The following DLGAP2 variants were observed in gnomAD, a reference collection of about 807,000 sequenced individuals.
The protein encoded by DLGAP2 is disks large-associated protein 2.
Under a neutral mutation model 100.3 loss-of-function variants are expected in DLGAP2, and 26 were observed. The observed-to-expected ratio is 0.26, with a 90% CI of 0.19 to 0.36. The LOEUF is 0.36. Ranked by LOEUF, DLGAP2 falls within the 10% of genes least tolerant of loss-of-function variation. The pLI is 1.00. For missense variants in DLGAP2, 1,858 were observed against 1,453.2 expected, an observed-to-expected ratio of 1.28 and a Z score of -4.53; for synonymous variants, 886 against 630.1, an observed-to-expected ratio of 1.41 and a Z score of -6.08.
chr8:1,548,477 A>C (rs1436378231), intron 4 of DLGAP2, 149 bp from the exon 5 acceptor site: 2 of 574,710 alleles, frequency 3.5e-6, no homozygotes, highest in Admixed American at 4.0e-5. Flanking sequence ...AAAAAAAAAA[A>C]AAAAAAACCC....
chr8:1,240,330 C>G (rs1225683612), intron 2 of DLGAP2, among the ~76,000 whole-genome samples: 3 of 147,266 alleles, frequency 2.0e-5, no homozygotes, highest in African/African-American at 7.5e-5. Flanking sequence ...GTCTAGTTCT[C>G]TCTCACACAT....
intron 2 of DLGAP2, among the ~76,000 whole-genome samples, chr8:1,149,355 G>A (rs1036778297): frequency 6.6e-6 from 1 of 151,988 alleles, no homozygotes; most frequent in African/African-American, 2.4e-5. Flanking sequence ...CACTGTGTTA[G>A]CCAGGATGGT....
chr8:1,249,389 C>T (rs547270065), intron 2 of DLGAP2, among the ~76,000 whole-genome samples: 1 of 152,146 alleles, frequency 6.6e-6, no homozygotes, highest in African/African-American at 2.4e-5. Context: ...TTCCTTATGT[C>T]ATCTCTTCAG....
chr8:1,287,066 TA>T (rs1448524696), intron 3 of DLGAP2, among the ~76,000 whole-genome samples: 2 of 152,172 alleles, frequency 1.3e-5, no homozygotes, highest in Admixed American at 6.5e-5. Context: ...ATGGTTCTAT[TA>T]GGGGAACTGG....
intron 6 of DLGAP2, among the ~76,000 whole-genome samples, chr8:1,616,267 A>T (rs1304027854): frequency 6.6e-6 from 1 of 152,216 alleles, no homozygotes; most frequent in East Asian, 1.9e-4. Flanking sequence ...TAGTAAGAAG[A>T]AGTGAAGGGA....
At chr8:768,388 C>T (rs1325755114) in intron 1 of DLGAP2, among the ~76,000 whole-genome samples, 2 of 148,736 alleles carry the variant, frequency 1.3e-5, no homozygotes, top group Admixed American at 6.7e-5. Context: ...CTTGTATGGA[C>T]TTCAGCATGA....
At position 1,491,417 on chromosome 8, in the gene DLGAP2, C is replaced by T. The variant is rs183551723; in HGVS notation, c.107-9949C>T. Among the ~76,000 whole-genome samples, 166 of 152,374 alleles carry T rather than the reference C, an allele frequency of 1.1e-3. 1 individual carries two copies. Among genetic ancestry groups the T allele is most frequent in the African/African-American group, 3.9e-3 (163 of 41,588 alleles). ...TGACCTCGGAGGCTTCCGGCTGCTCCCCCTGATCTCAGAGGCTGTTTCAGA... is the reference window on the plus strand; with the variant it reads ...TGACCTCGGAGGCTTCCGGCTGCTCTCCCTGATCTCAGAGGCTGTTTCAGA... On this transcript the variant is annotated intron_variant, in intron 3 of 14. Coordinates refer to ENST00000637795, the MANE Select transcript of DLGAP2 (RefSeq NM_001346810.2).
chr8:1,585,948 A>G (rs541100533), intron 6 of DLGAP2, among the ~76,000 whole-genome samples: 15 of 152,224 alleles, frequency 9.9e-5, no homozygotes, highest in Non-Finnish European at 2.1e-4. Context: ...ATAAAAATAT[A>G]CACATATGGG....
chr8:1,275,556 C>G (rs570576308), intron 3 of DLGAP2, among the ~76,000 whole-genome samples: 2 of 151,094 alleles, frequency 1.3e-5, no homozygotes, highest in Non-Finnish European at 1.5e-5. Context: ...AACTGAATTT[C>G]TTTTCATTCC....
chr8:1,380,031 G>C (rs1006443319), intron 3 of DLGAP2: 1 of 152,306 alleles, frequency 6.6e-6, no homozygotes, highest in African/African-American at 2.4e-5. Flanking sequence ...TCTGCACCCT[G>C]GTCAGGAGAT....
Position 1,632,902 on chromosome 8 carries a change from A to G in DLGAP2, c.1666A>G (p.Met556Val). 6.2e-7 allele frequency: 1 copy of G among 1,613,964 alleles called. No individual in the cohort carries two copies. Among genetic ancestry groups the G allele is most frequent in the Non-Finnish European group, 8.5e-7 (1 of 1,179,890 alleles). Reference protein sequence around the residue: ...SVFSEVESQAMDALDLPGCFR... With the variant: ...SVFSEVESQAVDALDLPGCFR... ...CTTCAGTGAAGTTGAATCTCAGGCC[A>G]TGGATGCCCTCGACCTCCCGGGATG... The change falls in exon 8 of 15, where the codon ATG becomes GTG. Residue 556 changes from methionine (M) to valine (V), a missense_variant. Transcript: ENST00000637795.
chr8:1,071,145 G>C (rs1463426623), intron 2 of DLGAP2, among the ~76,000 whole-genome samples: 8 of 152,318 alleles, frequency 5.3e-5, no homozygotes, highest in Admixed American at 5.2e-4. Flanking sequence ...CTGCAGCCCA[G>C]CTGCCGAGCG....
chr8:899,898 T>C (rs1176948002), intron 1 of DLGAP2, among the ~76,000 whole-genome samples: 1 of 152,202 alleles, frequency 6.6e-6, no homozygotes, highest in Non-Finnish European at 1.5e-5. Context: ...AGGGTGAGAC[T>C]GTGGGACGCC....
At position 1,705,651 on chromosome 8, in the gene DLGAP2, TAAC is replaced by T. The variant is rs979711430; in HGVS notation, c.*4246_*4248del. 6.6e-6 allele frequency: 1 copy of T among 152,162 alleles called. No homozygotes were observed. The highest frequency in any genetic ancestry group is 1.5e-5 in the Non-Finnish European group (1 of 68,060). 9.4% of individuals were successfully genotyped at this position (152,162 alleles called of 1,614,324 possible). On this transcript the variant is annotated 3_prime_UTR_variant, in exon 15 of 15. Transcript: ENST00000637795. The stretch of plus-strand genomic sequence containing the variant: ...CACGCTTCTCCAACACGGGCCGAAA[TAAC>T]TAAACTCCACATGGTTCCTGCCTGC...
At chr8:868,657 G>A (rs536089095) in intron 1 of DLGAP2, among the ~76,000 whole-genome samples, 1 of 152,214 alleles carries the variant, frequency 6.6e-6, no homozygotes, top group East Asian at 1.9e-4. Context: ...GCTCTTCCAA[G>A]GGTGCGCGGC....
At chr8:884,363 G>C (rs1437283066) in intron 1 of DLGAP2, among the ~76,000 whole-genome samples, 3 of 152,018 alleles carry the variant, frequency 2.0e-5, no homozygotes, top group Non-Finnish European at 4.4e-5. Flanking sequence ...TCTCATTGTG[G>C]TTTTGATTTG....
At chr8:1,019,315 G>A (rs537218466) in intron 2 of DLGAP2, 11 of 151,910 alleles carry the variant, frequency 7.2e-5, no homozygotes, top group African/African-American at 2.4e-4. Context: ...TTTTCATCTC[G>A]GGATAATTGA....
At chr8:1,129,053 C>G (rs145355307) in intron 2 of DLGAP2, among the ~76,000 whole-genome samples, 189 of 152,304 alleles carry the variant, frequency 1.2e-3, no homozygotes, top group African/African-American at 4.4e-3. Flanking sequence ...ACTCACAATT[C>G]CACTTCATGG....
chr8:806,373 G>A (rs531758144), intron 1 of DLGAP2, among the ~76,000 whole-genome samples: 6 of 152,300 alleles, frequency 3.9e-5, no homozygotes, highest in African/African-American at 9.6e-5. Context: ...CAGCCGTGCC[G>A]CCAGTCGTTT....
Sources: allele counts gnomAD v4.1 joint callset (sites outside exome capture counted in the v4.1 genomes callset), GRCh38; gene constraint gnomAD v4.1.1; transcripts MANE v1.5; gene names NCBI Gene and HGNC (gene_info 2026-07-23, HGNC 2026-07-21).